Variants in ADGRV1 observed in about 807,000 individuals in gnomAD.
ADGRV1 encodes adhesion G protein-coupled receptor V1, also known as G-protein coupled receptor 98.
A neutral mutation model predicts 596.2 loss-of-function variants in ADGRV1; 359 were observed. The observed-to-expected ratio is 0.60, with a 90% CI of 0.55 to 0.66. ADGRV1 has a LOEUF of 0.66. ADGRV1 is among the 30% of genes least tolerant of loss of function. The probability of loss-of-function intolerance (pLI) is 0.00; values close to 1 mark genes in which losing one functional copy is unlikely to be tolerated. For synonymous variants in ADGRV1, 2,681 were observed against 2,679.2 expected (o/e 1.00, Z -0.02); for missense variants, 7,274 against 7,575.6 (o/e 0.96, Z 1.48).
intron 85 of ADGRV1, among the ~76,000 whole-genome samples, chr5:91,068,126 G>T (rs770612858): frequency 1.3e-5 from 2 of 152,116 alleles, no homozygotes; most frequent in African/African-American, 4.8e-5. Context: ...CCTTGTTTAC[G>T]TGAGAAATAA....
chr5:90,650,630 G>A (rs893567461), intron 17 of ADGRV1, among the ~76,000 whole-genome samples: 2 of 152,146 alleles, frequency 1.3e-5, no homozygotes, highest in South Asian at 2.1e-4. Context: ...TCTGCGCACC[G>A]GTTACTGAGC....
At chr5:90,594,679 G>A (rs1005134599) in intron 1 of ADGRV1, among the ~76,000 whole-genome samples, 1 of 149,214 alleles carries the variant, frequency 6.7e-6, no homozygotes, top group Non-Finnish European at 1.5e-5. Context: ...AGGGAGTGGT[G>A]ATGACTCTTA....
chr5:90,668,405 A>C (rs147437156), intron 21 of ADGRV1, among the ~76,000 whole-genome samples: 19,747 of 151,926 alleles, frequency 0.13, 1,488 homozygotes, highest in East Asian at 0.39. Flanking sequence ...TTCTTTGACT[A>C]GGAAAGGGAA....
intron 78 of ADGRV1, among the ~76,000 whole-genome samples, chr5:90,845,022 A>G (rs941438804): frequency 6.6e-6 from 1 of 152,060 alleles, no homozygotes; most frequent in African/African-American, 2.4e-5. Context: ...TTTTGAGTTA[A>G]CTCTGTATTT....
intron 83 of ADGRV1, among the ~76,000 whole-genome samples, chr5:90,912,123 GTTT>G (rs1048713343): frequency 9.2e-5 from 14 of 152,068 alleles, no homozygotes; most frequent in African/African-American, 3.1e-4. Flanking sequence ...AATATGAGCT[GTTT>G]TTATTATCAG....
At chr5:90,878,718 A>T (rs539450834) in intron 83 of ADGRV1, among the ~76,000 whole-genome samples, 1 of 152,350 alleles carries the variant, frequency 6.6e-6, no homozygotes, top group African/African-American at 2.4e-5. Flanking sequence ...CCTTAAGCAG[A>T]TTATAATCTC....
chr5:91,031,064 A>C (rs1784444443), intron 85 of ADGRV1: 1 of 1,493,638 alleles, frequency 6.7e-7, no homozygotes, highest in Non-Finnish European at 9.1e-7. Flanking sequence ...ATAACTGCCA[A>C]TCATATAGGG....
chr5:91,022,756 G>A (rs918706574), intron 85 of ADGRV1, among the ~76,000 whole-genome samples: 2 of 152,094 alleles, frequency 1.3e-5, no homozygotes, highest in Non-Finnish European at 2.9e-5. Context: ...CTAAAATTGG[G>A]TCACAGATAA....
At chr5:90,925,964 G>T (rs1581532456) in intron 83 of ADGRV1, among the ~76,000 whole-genome samples, 1 of 131,694 alleles carries the variant, frequency 7.6e-6, no homozygotes, top group South Asian at 2.8e-4. Flanking sequence ...AACCAGCCTT[G>T]CATCCCAGGG....
intron 83 of ADGRV1, among the ~76,000 whole-genome samples, chr5:90,885,068 G>T (rs1465816714): frequency 6.6e-6 from 1 of 151,946 alleles, no homozygotes; most frequent in East Asian, 1.9e-4. Flanking sequence ...TTTATATCTA[G>T]CTCCTCTACA....
At chr5:90,892,877 T>C (rs1561904739) in intron 83 of ADGRV1, among the ~76,000 whole-genome samples, 1 of 152,240 alleles carries the variant, frequency 6.6e-6, no homozygotes, top group Non-Finnish European at 1.5e-5. Context: ...AGCTTATTTC[T>C]ATCCATAATC....
rs374666351 is a variant in ADGRV1, at chr5:90,683,823, A to G, written c.5902A>G (p.Thr1968Ala). ...GGGAGCTCATATTAATGCCACGTTA[A>G]CAGTTTTGGCTAGTGATGATCCATA... Reference protein sequence around the residue: ...SLGAHINATLTVLASDDPYGI... With the variant: ...SLGAHINATLAVLASDDPYGI... Residue 1968 changes from threonine (T) to alanine (A), a missense_variant, in exon 28 of 90, where the codon ACA (threonine) becomes GCA (alanine). By Grantham distance (58) the Thr-to-Ala change is moderately conservative. Coordinates refer to ENST00000405460, the MANE Select transcript of ADGRV1 (RefSeq NM_032119.4). 1.2e-6 allele frequency: 2 copies of G among 1,613,736 alleles called. No homozygotes were observed. Among genetic ancestry groups the G allele is most frequent in the African/African-American group, 1.3e-5 (1 of 74,906 alleles).
At chr5:90,677,469 A>G (rs922812641) in intron 25 of ADGRV1, among the ~76,000 whole-genome samples, 1 of 152,168 alleles carries the variant, frequency 6.6e-6, no homozygotes, top group Non-Finnish European at 1.5e-5. Flanking sequence ...TCTCCAAATC[A>G]CTATTTGCAT....
intron 83 of ADGRV1, among the ~76,000 whole-genome samples, chr5:90,912,852 C>T (rs2150698233): frequency 6.6e-6 from 1 of 152,280 alleles, no homozygotes; most frequent in African/African-American, 2.4e-5. Context: ...CTTGTCTTTG[C>T]TATTGTAAAT....
intron 81 of ADGRV1, among the ~76,000 whole-genome samples, chr5:90,854,739 C>G (rs1449228984): frequency 6.6e-6 from 1 of 152,194 alleles, no homozygotes; most frequent in Non-Finnish European, 1.5e-5. Flanking sequence ...ACTAGGAGCT[C>G]AGTCAATGCT....
rs559802911 is a variant in ADGRV1 at position 90,614,750 on chromosome 5, C to T, written c.23-85C>T. The T allele has an allele frequency of 7.4e-5, 74 of 1,004,926 alleles. 1 individual carries two copies. The highest frequency in any genetic ancestry group is 3.8e-4 in the Admixed American group (19 of 50,336). 62.3% of individuals were successfully genotyped at this position (1,004,926 alleles called of 1,614,324 possible). Reference sequence around the variant, plus strand: ...GTTGTTTGCTGTCTAACTCTTCATACTATGTTTATATCTATAGACAATACA... The same window carrying T: ...GTTGTTTGCTGTCTAACTCTTCATATTATGTTTATATCTATAGACAATACA... On this transcript the variant is annotated intron_variant, in intron 1 of 89. Coordinates refer to ENST00000405460, the MANE Select transcript of ADGRV1 (RefSeq NM_032119.4).
intron 87 of ADGRV1, among the ~76,000 whole-genome samples, chr5:91,141,014 T>G (rs1336056264): frequency 6.6e-6 from 1 of 152,218 alleles, no homozygotes; most frequent in Non-Finnish European, 1.5e-5. Flanking sequence ...ACTAAGAGAC[T>G]CTAACCTAAT....
At chr5:90,764,656 T>C (rs2150021450) in intron 59 of ADGRV1, among the ~76,000 whole-genome samples, 1 of 152,256 alleles carries the variant, frequency 6.6e-6, no homozygotes, top group East Asian at 1.9e-4. Flanking sequence ...CACTGTGGGT[T>C]TAGATCTTCA....
intron 82 of ADGRV1, among the ~76,000 whole-genome samples, chr5:90,860,279 G>A (rs968729076): frequency 6.6e-6 from 1 of 151,664 alleles, no homozygotes; most frequent in East Asian, 1.9e-4. Context: ...AAAATGCTTC[G>A]TACTGACTTT....
Sources: gnomAD v4.1 joint callset for allele counts (sites outside exome capture counted in the v4.1 genomes callset) on GRCh38, gnomAD v4.1.1 for gene constraint, MANE v1.5 for transcripts, NCBI Gene and HGNC (gene_info 2026-07-23, HGNC 2026-07-21) for gene names.